The following RPS6KA2 variants were observed in gnomAD, a reference collection of about 807,000 sequenced individuals.
RPS6KA2 encodes ribosomal protein S6 kinase alpha-2.
Under a neutral mutation model 91.8 loss-of-function variants are expected in RPS6KA2, and 42 were observed. The observed-to-expected ratio is 0.46, with a 90% CI of 0.36 to 0.59. The LOEUF is 0.59. RPS6KA2 is among the 20% of genes least tolerant of loss of function. The pLI is 0.00. For missense variants in RPS6KA2, 798 were observed against 978.5 expected (o/e 0.82, Z 2.46); for synonymous variants, 414 against 393.6 (o/e 1.05, Z -0.61).
At chr6:166,485,393 G>A (rs914576643) in intron 10 of RPS6KA2, among the ~76,000 whole-genome samples, 1 of 152,232 alleles carries the variant, frequency 6.6e-6, no homozygotes, top group Non-Finnish European at 1.5e-5. Context: ...GTGTCCTGAA[G>A]TGGGTTGAGA....
At chr6:166,416,736 A>G (rs1478392976) in intron 19 of RPS6KA2, among the ~76,000 whole-genome samples, 1 of 150,104 alleles carries the variant, frequency 6.7e-6, no homozygotes, top group African/African-American at 2.5e-5. Flanking sequence ...TCCCTCCACA[A>G]TCACCTCCAT....
rs529233279 is a variant in RPS6KA2, at chr6:166,687,603, A to G, written c.124-148819T>C. ...CTGACTCCACTCTATTTATTTTTCT[A>G]TTAAGATGGTTTACTGAATTATTTG... On this transcript the variant is annotated intron_variant, in intron 2 of 21. Coordinates refer to the RPS6KA2 transcript ENST00000503859. Among the ~76,000 whole-genome samples, 5 of 152,354 alleles carry G rather than the reference A, an allele frequency of 3.3e-5. No individual in the cohort carries two copies. In the South Asian group the frequency reaches 6.2e-4, roughly 19 times the overall value.
intron 2 of RPS6KA2, among the ~76,000 whole-genome samples, chr6:166,644,245 T>C (rs1240146235): frequency 1.3e-5 from 2 of 152,132 alleles, no homozygotes; most frequent in Non-Finnish European, 1.5e-5. Context: ...GCATACAACA[T>C]GTACTATTCA....
At chr6:166,607,893 C>T (rs1194367487) in intron 1 of RPS6KA2, among the ~76,000 whole-genome samples, 1 of 151,674 alleles carries the variant, frequency 6.6e-6, no homozygotes, top group African/African-American at 2.4e-5. Flanking sequence ...ACCTGTGGTC[C>T]CAGCTATTCA....
At chr6:166,804,874 A>G (rs1779452371) in intron 2 of RPS6KA2, among the ~76,000 whole-genome samples, 1 of 152,256 alleles carries the variant, frequency 6.6e-6, no homozygotes, top group Non-Finnish European at 1.5e-5. Flanking sequence ...TTAGATTTGA[A>G]TTAAAGAAAA....
intron 2 of RPS6KA2, among the ~76,000 whole-genome samples, chr6:166,800,817 C>T (rs845654): frequency 0.67 from 101,644 of 152,098 alleles, 34,343 homozygotes; most frequent in East Asian, 0.94. Context: ...AAGGAAGATA[C>T]CTGATTTCAT....
chr6:166,811,374 T>A (rs756164982), intron 2 of RPS6KA2, among the ~76,000 whole-genome samples: 3 of 152,208 alleles, frequency 2.0e-5, no homozygotes, highest in Non-Finnish European at 4.4e-5. Flanking sequence ...AAGGTCATAA[T>A]TTTATTCTGC....
At chr6:166,525,386 G>T (rs1268077354) in intron 3 of RPS6KA2, among the ~76,000 whole-genome samples, 1 of 152,170 alleles carries the variant, frequency 6.6e-6, no homozygotes, top group East Asian at 1.9e-4. Context: ...GGGTCAGAGG[G>T]AGAGGAGCAA....
chr6:166,813,220 C>T (rs1325723702), intron 2 of RPS6KA2, among the ~76,000 whole-genome samples: 5 of 152,056 alleles, frequency 3.3e-5, no homozygotes, highest in Admixed American at 6.6e-5. Flanking sequence ...AGCCAGCACA[C>T]GTGCAGGTGT....
chr6:166,811,647 A>G (rs2142038), intron 2 of RPS6KA2, among the ~76,000 whole-genome samples: 27,027 of 152,160 alleles, frequency 0.18, 2,625 homozygotes, highest in East Asian at 0.27. Flanking sequence ...TAAAAATAAA[A>G]GTGTTTTATA....
chr6:166,471,046 G>A (rs9366015), intron 10 of RPS6KA2, among the ~76,000 whole-genome samples: 51,818 of 151,852 alleles, frequency 0.34, 9,034 homozygotes, highest in East Asian at 0.47. Flanking sequence ...TGATCCCTGG[G>A]GCCCGGCTCC....
intron 2 of RPS6KA2, among the ~76,000 whole-genome samples, chr6:166,820,464 C>T (rs1462776251): frequency 1.1e-5 from 1 of 88,150 alleles, no homozygotes; most frequent in Non-Finnish European, 3.2e-5. Context: ...AATGAGAAGC[C>T]TTGTGTGAAG....
chr6:166,625,404 C>A (rs777468869), intron 1 of RPS6KA2, among the ~76,000 whole-genome samples: 5 of 147,008 alleles, frequency 3.4e-5, no homozygotes, highest in Admixed American at 7.0e-5. Context: ...CTTGCAGAAC[C>A]CTGTGACACC....
intron 17 of RPS6KA2, among the ~76,000 whole-genome samples, chr6:166,422,651 G>A (rs1164855791): frequency 2.0e-5 from 3 of 152,128 alleles, no homozygotes; most frequent in Non-Finnish European, 4.4e-5. Flanking sequence ...ACTTGTTCCC[G>A]GGAAATGTGA....
chr6:166,835,786 G>A lies in RPS6KA2; in HGVS notation c.123+22414C>T, dbSNP rs188232797. On this transcript the variant is annotated intron_variant, in intron 2 of 21. Coordinates refer to the RPS6KA2 transcript ENST00000503859. Reference sequence around the variant, plus strand: ...AATAATTTTCAGTATAATGTTGAATGGGAGTGGTGCAATGTCCTCATCTGA... The same window carrying A: ...AATAATTTTCAGTATAATGTTGAATAGGAGTGGTGCAATGTCCTCATCTGA... Among the ~76,000 whole-genome samples the A allele has an allele frequency of 2.5e-4, 38 of 152,326 alleles. 1 individual carries two copies. The East Asian group carries it at 6.7e-3, about 27-fold the overall frequency.
intron 2 of RPS6KA2, among the ~76,000 whole-genome samples, chr6:166,642,075 G>A (rs1787455405): frequency 6.6e-6 from 1 of 151,482 alleles, no homozygotes; most frequent in South Asian, 2.1e-4. Context: ...AGGATTCAAT[G>A]AAAAGAAAAT....
At chr6:166,790,009 G>A (rs1027828436) in intron 2 of RPS6KA2, among the ~76,000 whole-genome samples, 19 of 152,364 alleles carry the variant, frequency 1.2e-4, no homozygotes, top group Admixed American at 2.0e-4. Context: ...AAAGCTGGAC[G>A]GAGAATGACT....
In RPS6KA2 at chr6:166,413,904, C is replaced by A. The variant is rs1420942137; in HGVS notation, c.1966G>T (p.Asp656Tyr). 6.2e-7 allele frequency: 1 copy of A among 1,614,068 alleles called. No individual in the cohort carries two copies. Among genetic ancestry groups the A allele is most frequent in the South Asian group, 1.1e-5 (1 of 91,070 alleles). Residue 656 changes from aspartate (D) to tyrosine (Y), a missense_variant, in exon 20 of 21, where the codon GAC (aspartate) becomes TAC (tyrosine). By Grantham distance (160) the Asp-to-Tyr change is radical. Transcript: ENST00000265678. The stretch of plus-strand genomic sequence containing the variant: ...ATCGCCGTCAGGCGCTGATGAGGGT[C>A]CACGTGGAGCATCTTGGACACGACG... ...KDVVSKMLHVDPHQRLTAMQV... is the reference protein window; with the variant it reads ...KDVVSKMLHVYPHQRLTAMQV...
In RPS6KA2 at chr6:166,639,637, C is replaced by G. The variant is rs527917528; in HGVS notation, c.124-100853G>C. 6.6e-6 allele frequency among the ~76,000 whole-genome samples: 1 copy of G among 152,152 alleles called. No individual in the cohort carries two copies. The highest frequency in any genetic ancestry group is 2.4e-5 in the African/African-American group (1 of 41,428). On this transcript the variant is annotated intron_variant, in intron 2 of 21. Transcript: ENST00000503859. The surrounding 1 kb of genome is among the most constrained non-coding windows in gnomAD (Gnocchi z 4.2). ...CAGGGTGCAGTCTCTGCTCCTGCCC[C>G]GCTGACTTACTCCTAAGAAGATGAA...
Sources: gnomAD v4.1 joint callset for allele counts (sites outside exome capture counted in the v4.1 genomes callset) on GRCh38, gnomAD v4.1.1 for gene constraint, Gnocchi (gnomAD v3.1) non-coding constraint, MANE v1.5 for transcripts, NCBI Gene and HGNC (gene_info 2026-07-23, HGNC 2026-07-21) for gene names.